Variants in MYH14 observed in about 807,000 individuals in gnomAD.
MYH14 encodes the protein myosin heavy chain 14, also known as myosin-14.
MYH14 carries 123 observed loss-of-function variants against 255.5 expected under a neutral mutation model. That is an observed-to-expected ratio of 0.48 (90% CI 0.42 to 0.56). The LOEUF is 0.56. Among genes scored for constraint, MYH14 ranks in the 20% least tolerant of loss-of-function variants. The pLI, the probability that MYH14 is intolerant of heterozygous loss-of-function variation, is 0.00. For synonymous variants in MYH14, 1,095 were observed against 1,161.2 expected (o/e 0.94, Z 1.16); for missense variants, 2,423 against 2,802.3 (o/e 0.86, Z 3.06).
intron 33 of MYH14, among the ~76,000 whole-genome samples, chr19:50,283,987 G>A (rs1009205686): frequency 1.3e-5 from 2 of 151,856 alleles, no homozygotes; most frequent in South Asian, 2.1e-4. Flanking sequence ...CAGGAGAATC[G>A]CTTGAATCTG....
At chr19:50,222,076 C>A (rs1236358798) in intron 3 of MYH14, among the ~76,000 whole-genome samples, 2 of 152,108 alleles carry the variant, frequency 1.3e-5, no homozygotes, top group African/African-American at 4.8e-5. Flanking sequence ...GGCCTCTACC[C>A]ACTCAGTGCC....
At position 50,250,219 on chromosome 19, in the gene MYH14, G is replaced by A. The variant is rs1245967999; in HGVS notation, c.1657-296G>A. On this transcript the variant is annotated intron_variant, in intron 14 of 42. Coordinates refer to ENST00000642316, the MANE Select transcript of MYH14 (RefSeq NM_001145809.2). This position sits in a 1 kb window ranked among gnomAD's most constrained non-coding sequence, Gnocchi z 5.4. ...GGGTTCACGCCATTCTCCTGCCTCA[G>A]CCTCCCGAGTAGCTGGGACTACAGG... Among the ~76,000 whole-genome samples, 3 of 138,172 alleles carry A rather than the reference G, an allele frequency of 2.2e-5. No individual in the cohort carries two copies. Among genetic ancestry groups the A allele is most frequent in the Non-Finnish European group, 4.8e-5 (3 of 62,884 alleles). The allele number at this position is 138,172 out of a possible 152,430, so 90.6% of individuals were successfully genotyped here.
chr19:50,218,645 G>A (rs1349021379), intron 3 of MYH14, among the ~76,000 whole-genome samples: 2 of 151,924 alleles, frequency 1.3e-5, no homozygotes, highest in African/African-American at 4.8e-5. Flanking sequence ...TTGGGAAACA[G>A]GCGGGGTTTG....
intron 7 of MYH14, 112 bp from the exon 8 acceptor site, chr19:50,226,791 G>C (rs981283810): frequency 1.2e-4 from 59 of 504,132 alleles, no homozygotes; most frequent in Non-Finnish European, 1.3e-4. Flanking sequence ...GCAAGGAAGT[G>C]GGGGGGCAGC....
At chr19:50,292,475 G>A in intron 37 of MYH14, 86 bp downstream of exon 37, 1 of 1,192,356 alleles carries the variant, frequency 8.4e-7, no homozygotes, top group Non-Finnish European at 1.1e-6. Context: ...TGAAGCTGGG[G>A]AGGTGGGCGG....
chr19:50,239,919 C>A (rs1168840591), intron 10 of MYH14, among the ~76,000 whole-genome samples: 1 of 152,170 alleles, frequency 6.6e-6, no homozygotes, highest in Non-Finnish European at 1.5e-5. Context: ...AGCACAGGCC[C>A]TTGGCATCCA....
Position 50,285,624 on chromosome 19 carries a change from T to C in MYH14, c.4540-858T>C, listed in dbSNP as rs1028762725. ...AGTGCTAATATAGTTTTTATATATTTCATTGGATTTTCTACATAGATGATC... is the reference window on the plus strand; with the variant it reads ...AGTGCTAATATAGTTTTTATATATTCCATTGGATTTTCTACATAGATGATC... On this transcript the variant is annotated intron_variant, in intron 33 of 42. Transcript: ENST00000642316. The C allele has an allele frequency of 3.3e-5, 5 of 152,214 alleles. No homozygotes were observed. The East Asian group carries it at 9.6e-4, about 29-fold the overall frequency. 9.4% of individuals were successfully genotyped at this position (152,214 alleles called of 1,614,324 possible). A position where few individuals can be genotyped will look rare whatever the true frequency, so the allele number is the denominator to read the frequency against.
At chr19:50,286,076 T>C (rs981563392) in intron 33 of MYH14, 1 of 160,398 alleles carries the variant, frequency 6.2e-6, no homozygotes, top group African/African-American at 2.4e-5. Flanking sequence ...TCTATTTGTA[T>C]GGACTGATTT....
At chr19:50,223,384 T>G (rs1450527826) in intron 5 of MYH14, 35 bp downstream of exon 5, 4 of 1,388,386 alleles carry the variant, frequency 2.9e-6, no homozygotes, top group East Asian at 5.0e-5. Context: ...CCCCGGGCCC[T>G]GCCACAGCAC....
At chr19:50,286,322 C>T (rs551800670) in intron 33 of MYH14, 160 bp from the exon 34 acceptor site, 46 of 677,262 alleles carry the variant, frequency 6.8e-5, no homozygotes, top group South Asian at 4.3e-4. Flanking sequence ...GTTTGGGACA[C>T]GGTTGCAACT....
chr19:50,263,008 C>T (rs868411217), intron 21 of MYH14, among the ~76,000 whole-genome samples: 7 of 151,832 alleles, frequency 4.6e-5, no homozygotes, highest in South Asian at 2.1e-4. Flanking sequence ...GAGAGCAGCC[C>T]GGCCAACATG....
chr19:50,303,764 G>A (rs1348207362), intron 40 of MYH14, among the ~76,000 whole-genome samples: 2 of 152,132 alleles, frequency 1.3e-5, no homozygotes, highest in African/African-American at 4.8e-5. Context: ...TAAAATGGCT[G>A]CAATTGCACC....
rs1224402119 is a variant in MYH14, at chr19:50,260,740, C to A, written c.2424+25C>A. 3 of 1,468,050 alleles carry A rather than the reference C, an allele frequency of 2.0e-6. No individual in the cohort carries two copies. The East Asian group carries it at 7.4e-5, about 36-fold the overall frequency. The allele number at this position is 1,468,050 out of a possible 1,614,324, so 90.9% of individuals were successfully genotyped here. On this transcript the variant is annotated intron_variant, in intron 20 of 42. Coordinates refer to ENST00000642316, the MANE Select transcript of MYH14 (RefSeq NM_001145809.2). ...GGTGAGTGGGGCAGAGCCTGGAATG[C>A]GTGTGTGCGTGTGTGTGTGTGCGTG...
chr19:50,281,258 C>T (rs1410683437), intron 32 of MYH14, among the ~76,000 whole-genome samples: 1 of 152,224 alleles, frequency 6.6e-6, no homozygotes, highest in African/African-American at 2.4e-5. Flanking sequence ...ATTCTGGGCA[C>T]TTCCTGTGGA....
At chr19:50,277,296 C>T (rs1006859929) in intron 29 of MYH14, among the ~76,000 whole-genome samples, 17 of 151,962 alleles carry the variant, frequency 1.1e-4, no homozygotes, top group Non-Finnish European at 1.9e-4. Flanking sequence ...AGGTATTCTG[C>T]GAGAAGGTGA....
chr19:50,214,804 C>T (rs919842703), intron 2 of MYH14, among the ~76,000 whole-genome samples: 14 of 152,160 alleles, frequency 9.2e-5, no homozygotes, highest in East Asian at 5.8e-4. Flanking sequence ...CAAAAAATTC[C>T]GAGTTAGCCT....
rs2035511734 is a variant in MYH14, at chr19:50,276,437, A to T, written c.3680+234A>T. 6.6e-6 allele frequency among the ~76,000 whole-genome samples: 1 copy of T among 152,056 alleles called. No homozygotes were observed. Among genetic ancestry groups the T allele is most frequent in the African/African-American group, 2.4e-5 (1 of 41,406 alleles). On this transcript the variant is annotated intron_variant, in intron 28 of 42. Coordinates refer to ENST00000642316, the MANE Select transcript of MYH14 (RefSeq NM_001145809.2). The surrounding 1 kb of genome is among the most constrained non-coding windows in gnomAD (Gnocchi z 4.3). ...GCAGATTCAGGCAAAGACAATCTCA[A>T]CCCAGAACAAGGGGTGCTTTAGCGG...
chr19:50,262,316 G>A (rs895725965), intron 21 of MYH14, among the ~76,000 whole-genome samples: 1 of 152,144 alleles, frequency 6.6e-6, no homozygotes, highest in Admixed American at 6.5e-5. Flanking sequence ...CCAGCACATT[G>A]GGAGGCCAAG....
chr19:50,217,036 C>G (rs1474147611), intron 2 of MYH14, among the ~76,000 whole-genome samples: 3 of 151,992 alleles, frequency 2.0e-5, no homozygotes, highest in Admixed American at 2.0e-4. Flanking sequence ...GGCTCGAACT[C>G]CTGACCTCGT....
Sources: allele counts gnomAD v4.1 joint callset (sites outside exome capture counted in the v4.1 genomes callset), GRCh38; gene constraint gnomAD v4.1.1; non-coding constraint Gnocchi (gnomAD v3.1); transcripts MANE v1.5; gene names NCBI Gene and HGNC (gene_info 2026-07-23, HGNC 2026-07-21).